Variants in ITGB8 observed in about 807,000 individuals in gnomAD.
The protein encoded by ITGB8 is integrin subunit beta 8, also known as integrin beta-8.
In ITGB8, 30 loss-of-function variants were observed where a neutral mutation model predicts 89.5. The observed-to-expected ratio is 0.34, with a 90% CI of 0.25 to 0.45. The LOEUF (loss-of-function observed/expected upper bound fraction) is 0.45, where lower values mean the gene tolerates loss of function less well. ITGB8 is among the 20% of genes least tolerant of loss of function. The probability of loss-of-function intolerance (pLI) is 1.00; values close to 1 mark genes in which losing one functional copy is unlikely to be tolerated. For synonymous variants in ITGB8, 335 were observed against 320.4 expected (o/e 1.05, Z -0.49); for missense variants, 836 against 933.3 (o/e 0.90, Z 1.36).
chr7:20,370,950 T>C (rs1049965563), intron 3 of ITGB8, among the ~76,000 whole-genome samples: 1 of 152,172 alleles, frequency 6.6e-6, no homozygotes. Context: ...GCCTAGAAGC[T>C]ACTTAATTAT....
intron 9 of ITGB8, among the ~76,000 whole-genome samples, chr7:20,399,252 T>C (rs967302278): frequency 6.6e-6 from 1 of 152,130 alleles, no homozygotes; most frequent in Non-Finnish European, 1.5e-5. Context: ...CATGTATCAA[T>C]AGTAACTTTA....
chr7:20,368,963 G>T (rs1428655535), intron 3 of ITGB8, among the ~76,000 whole-genome samples: 1 of 151,940 alleles, frequency 6.6e-6, no homozygotes, highest in Non-Finnish European at 1.5e-5. Context: ...GATTCTTCAG[G>T]ATCTTAATCC....
Position 20,363,705 on chromosome 7 carries a change from G to A in ITGB8, c.196G>A (p.Gly66Arg), listed in dbSNP as rs1785588536. ...ARCLALGPEC[G>R]WCVQEDFISG... ...GTGCCTTGCGCTGGGTCCAGAATGT[G>A]GATGGTGTGTTCAAGAGGTGTGCCA... The change falls in exon 2 of 14, where the codon GGA (glycine) becomes AGA (arginine). Residue 66 changes from glycine (G) to arginine (R), a missense_variant. This residue lies in a region of ITGB8 where 182 missense variants were observed against 177.0 expected (regional missense o/e 1.03). Transcript: ENST00000222573. 6.3e-7 allele frequency: 1 copy of A among 1,599,728 alleles called. No homozygotes were observed. Among genetic ancestry groups the A allele is most frequent in the African/African-American group, 1.4e-5 (1 of 72,984 alleles).
chr7:20,358,121 A>T (rs1168922723), intron 1 of ITGB8, among the ~76,000 whole-genome samples: 1 of 152,022 alleles, frequency 6.6e-6, no homozygotes, highest in African/African-American at 2.4e-5. Flanking sequence ...GTGTGCCACC[A>T]CACCCAGCTA....
intron 6 of ITGB8, among the ~76,000 whole-genome samples, chr7:20,387,322 G>A (rs139667897): frequency 1.3e-4 from 20 of 152,286 alleles, no homozygotes; most frequent in Admixed American, 1.2e-3. Context: ...GACATGAACC[G>A]CTACTCATCA....
rs541823022 is a variant in ITGB8 at position 20,339,753 on chromosome 7, C to T, written c.127+7820C>T. Among the ~76,000 whole-genome samples, 7 of 152,266 alleles carry T rather than the reference C, an allele frequency of 4.6e-5. No individual in the cohort carries two copies. The South Asian group carries it at 1.2e-3, about 27-fold the overall frequency. On this transcript the variant is annotated intron_variant, in intron 1 of 13. Transcript: ENST00000222573. ...TACTAAAAGTTCATTTTAGGCCAGG[C>T]GCGGTGGCTCACATCTGTAATCTCA...
At chr7:20,394,117 G>A (rs1039175405) in intron 7 of ITGB8, among the ~76,000 whole-genome samples, 1 of 152,198 alleles carries the variant, frequency 6.6e-6, no homozygotes, top group Admixed American at 6.5e-5. Context: ...ATGCCAAGTT[G>A]TTAGTGTCTA....
intron 8 of ITGB8, among the ~76,000 whole-genome samples, chr7:20,397,936 C>G (rs1436978345): frequency 6.6e-6 from 1 of 151,872 alleles, no homozygotes; most frequent in East Asian, 1.9e-4. Flanking sequence ...TCTTTAGGCA[C>G]ATACTTCGTT....
chr7:20,401,604 A>C (rs1787312143), intron 9 of ITGB8, 117 bp from the exon 10 acceptor site: 1 of 597,330 alleles, frequency 1.7e-6, no homozygotes, highest in Non-Finnish European at 2.7e-6. Context: ...TTCTTTTACA[A>C]ATATCGTTAA....
At chr7:20,395,059 C>T (rs1787014454) in intron 8 of ITGB8, 74 bp downstream of exon 8, 2 of 823,134 alleles carry the variant, frequency 2.4e-6, no homozygotes, top group Non-Finnish European at 4.0e-6. Context: ...CAAAGTAGTG[C>T]CATGTCATCT....
chr7:20,381,468 A>G (rs1786389935), intron 5 of ITGB8: 1 of 284,890 alleles, frequency 3.5e-6, no homozygotes, highest in East Asian at 6.6e-5. Context: ...GGCCTCTCCT[A>G]CTTTTTAATC....
rs143026332 is a variant in ITGB8, at chr7:20,401,918, G to C, written c.1479G>C (p.Gln493His). ...CTTTTCTAGATTCCAAGTGTTTCCA[G>C]TGTGATGAGAATAAATGTCATTTTG... ...DETFLDSKCF[Q>H]CDENKCHFDE... The change falls in exon 10 of 14, where the codon CAG becomes CAC. Residue 493 changes from glutamine (Q) to histidine (H), a missense_variant. This residue lies in a region of ITGB8 where 422 missense variants were observed against 416.9 expected (regional missense o/e 1.01). Coordinates refer to ENST00000222573, the MANE Select transcript of ITGB8 (RefSeq NM_002214.3). 4 of 1,614,032 alleles carry C rather than the reference G, an allele frequency of 2.5e-6. No individual in the cohort carries two copies. Among genetic ancestry groups the C allele is most frequent in the African/African-American group, 2.7e-5 (2 of 74,938 alleles).
chr7:20,394,158 G>A (rs1457554113), intron 7 of ITGB8, among the ~76,000 whole-genome samples: 3 of 152,200 alleles, frequency 2.0e-5, no homozygotes, highest in Non-Finnish European at 4.4e-5. Flanking sequence ...AGGAACTTAA[G>A]GATATTTGTG....
chr7:20,349,627 T>C (rs1189246969), intron 1 of ITGB8, among the ~76,000 whole-genome samples: 1 of 152,174 alleles, frequency 6.6e-6, no homozygotes, highest in Non-Finnish European at 1.5e-5. Context: ...GTAAATCAAA[T>C]GCCGTATATG....
chr7:20,402,472 T>C (rs950359203), intron 10 of ITGB8, among the ~76,000 whole-genome samples: 1 of 152,208 alleles, frequency 6.6e-6, no homozygotes, highest in Non-Finnish European at 1.5e-5. Flanking sequence ...TCTAGAAGGA[T>C]CTGATTCATT....
At chr7:20,404,255 T>C (rs1400198189) in intron 10 of ITGB8, among the ~76,000 whole-genome samples, 1 of 152,206 alleles carries the variant, frequency 6.6e-6, no homozygotes, top group African/African-American at 2.4e-5. Flanking sequence ...CAAATACCTG[T>C]ATCTTTTCTA....
intron 9 of ITGB8, 125 bp from the exon 10 acceptor site, chr7:20,401,596 C>T: frequency 1.7e-6 from 1 of 580,142 alleles, no homozygotes; most frequent in Non-Finnish European, 2.8e-6. Context: ...ACATGTGTTT[C>T]TTTTACAAAT....
At chr7:20,385,955 G>T (rs1009605671) in intron 6 of ITGB8, among the ~76,000 whole-genome samples, 1 of 152,180 alleles carries the variant, frequency 6.6e-6, no homozygotes, top group African/African-American at 2.4e-5. Context: ...TTAATAAAGA[G>T]ATCTGTTAAT....
rs1289103539 is a variant in ITGB8 at position 20,412,405 on chromosome 7, G to C, written c.*2408G>C. On this transcript the variant is annotated 3_prime_UTR_variant, in exon 14 of 14. Transcript: ENST00000222573. ...CCTGACAACCCTCCAAAAGAAAAAA[G>C]TGTAAGATAGCCATTAAGATGATGA... The C allele has an allele frequency of 2.0e-5, 3 of 152,450 alleles. No individual in the cohort carries two copies. The highest frequency in any genetic ancestry group is 4.4e-5 in the Non-Finnish European group (3 of 68,010). 9.4% of individuals were successfully genotyped at this position (152,450 alleles called of 1,614,324 possible).
Sources: allele counts gnomAD v4.1 joint callset (sites outside exome capture counted in the v4.1 genomes callset), GRCh38; gene constraint gnomAD v4.1.1; regional missense constraint gnomAD v4.1.1; transcripts MANE v1.5; gene names NCBI Gene and HGNC (gene_info 2026-07-23, HGNC 2026-07-21).